The following CNTN4 variants were observed in gnomAD, a reference collection of about 807,000 sequenced individuals.
The protein encoded by CNTN4 is contactin 4.
Under a neutral mutation model 122.5 loss-of-function variants are expected in CNTN4, and 77 were observed. The ratio of observed to expected loss-of-function variants is 0.63; its 90% CI spans 0.52 to 0.76. The LOEUF is 0.76. CNTN4 is among the 30% of genes least tolerant of loss of function. The probability of loss-of-function intolerance (pLI) is 0.00; values close to 1 mark genes in which losing one functional copy is unlikely to be tolerated. For missense variants in CNTN4, 1,256 were observed against 1,259.1 expected (o/e 1.00, Z 0.04); for synonymous variants, 512 against 447.0 (o/e 1.15, Z -1.83).
At chr3:2,162,717 A>T (rs554577194) in intron 2 of CNTN4, among the ~76,000 whole-genome samples, 1 of 152,348 alleles carries the variant, frequency 6.6e-6, no homozygotes, top group East Asian at 1.9e-4. Context: ...AGAAAATTTA[A>T]AGTTGAATAT....
intron 2 of CNTN4, among the ~76,000 whole-genome samples, chr3:2,166,804 C>G (rs1382279731): frequency 6.6e-6 from 1 of 151,968 alleles, no homozygotes. Flanking sequence ...AGAAACATTA[C>G]TTACATATGC....
At chr3:3,040,573 A>T (rs548671360) in intron 20 of CNTN4, among the ~76,000 whole-genome samples, 4 of 152,346 alleles carry the variant, frequency 2.6e-5, no homozygotes, top group African/African-American at 9.6e-5. Flanking sequence ...TTTCAAAAGA[A>T]TTTTATTTTT....
chr3:2,927,232 T>C, intron 13 of CNTN4: 1 of 445,592 alleles, frequency 2.2e-6, no homozygotes, highest in South Asian at 1.6e-5. Context: ...TAAGCTATGC[T>C]ACTGTAACAA....
At chr3:2,985,909 A>T (rs1363919934) in intron 13 of CNTN4, among the ~76,000 whole-genome samples, 1 of 149,838 alleles carries the variant, frequency 6.7e-6, no homozygotes, top group Non-Finnish European at 1.5e-5. Context: ...AAATAAGAGA[A>T]TACTTTTTTT....
At chr3:2,500,938 C>T (rs1272668982) in intron 3 of CNTN4, among the ~76,000 whole-genome samples, 5 of 151,996 alleles carry the variant, frequency 3.3e-5, no homozygotes, top group African/African-American at 1.2e-4. Context: ...TCTTTTTTCC[C>T]CCCCGCACAA....
chr3:2,476,213 T>C (rs2075829729), intron 3 of CNTN4, among the ~76,000 whole-genome samples: 1 of 152,206 alleles, frequency 6.6e-6, no homozygotes, highest in Non-Finnish European at 1.5e-5. Flanking sequence ...AATGAGTAGT[T>C]CAGGTGATTT....
intron 3 of CNTN4, among the ~76,000 whole-genome samples, chr3:2,504,163 T>C (rs1245653121): frequency 6.6e-6 from 1 of 152,140 alleles, no homozygotes; most frequent in Non-Finnish European, 1.5e-5. Context: ...GTGACCCTAA[T>C]CTGAGAAGTG....
chr3:2,289,775 T>G (rs1851612), intron 2 of CNTN4, among the ~76,000 whole-genome samples: 1 of 151,970 alleles, frequency 6.6e-6, no homozygotes, highest in Non-Finnish European at 1.5e-5. Context: ...GGTTTTGATC[T>G]CTTTCTAATT....
rs555764413 is a variant in CNTN4 at position 2,230,990 on chromosome 3, A to AAAAAC, written c.-144-108173_-144-108169dup. Among the ~76,000 whole-genome samples the AAAAAC allele has an allele frequency of 9.6e-4, 146 of 152,268 alleles. 5 individuals are homozygous for AAAAAC. The East Asian group carries it at 0.025, about 26-fold the overall frequency. The stretch of plus-strand genomic sequence containing the variant: ...GCGACAAAGCGAGACTCTGTTTCAA[A>AAAAAC]AAAACAAAACAAAACAAAAGAAATA... On this transcript the variant is annotated intron_variant, in intron 2 of 24. Coordinates refer to ENST00000418658, the MANE Select transcript of CNTN4 (RefSeq NM_175607.3).
At chr3:2,155,897 G>C (rs954182714) in intron 2 of CNTN4, among the ~76,000 whole-genome samples, 1 of 152,198 alleles carries the variant, frequency 6.6e-6, no homozygotes. Flanking sequence ...CCAGCCTACA[G>C]GAGGATTCCC....
intron 2 of CNTN4, among the ~76,000 whole-genome samples, chr3:2,329,797 CATTA>C (rs1483782650): frequency 6.6e-6 from 1 of 151,904 alleles, no homozygotes; most frequent in Non-Finnish European, 1.5e-5. Context: ...ACTTAATAAG[CATTA>C]ATTTATGTAG....
In CNTN4 at chr3:2,427,664, C is replaced by G. The variant is rs181262567; in HGVS notation, c.-89+88431C>G. ...GCCTCATGGATCTGTCTAATATTGACAGTGGGGTGTTAAAGTCTCCCATTA... is the reference window on the plus strand; with the variant it reads ...GCCTCATGGATCTGTCTAATATTGAGAGTGGGGTGTTAAAGTCTCCCATTA... On this transcript the variant is annotated intron_variant, in intron 3 of 24. Coordinates refer to ENST00000418658, the MANE Select transcript of CNTN4 (RefSeq NM_175607.3). Among the ~76,000 whole-genome samples, 12 of 152,130 alleles carry G rather than the reference C, an allele frequency of 7.9e-5. No homozygotes were observed. In the East Asian group the frequency reaches 2.3e-3, roughly 29 times the overall value.
chr3:2,778,427 C>G (rs2091437127), intron 6 of CNTN4, among the ~76,000 whole-genome samples: 1 of 140,228 alleles, frequency 7.1e-6, no homozygotes, highest in Non-Finnish European at 1.6e-5. Context: ...TTTTTAAAAG[C>G]AAGTTCTCAC....
intron 4 of CNTN4, among the ~76,000 whole-genome samples, chr3:2,579,878 T>A (rs1385954977): frequency 1.3e-5 from 2 of 152,224 alleles, no homozygotes; most frequent in Admixed American, 1.3e-4. Flanking sequence ...TTGACGATGA[T>A]GTTGCCATAT....
chr3:2,949,822 A>G (rs936374970), intron 13 of CNTN4, among the ~76,000 whole-genome samples: 15 of 152,262 alleles, frequency 9.9e-5, no homozygotes, highest in African/African-American at 3.4e-4. Context: ...GTTACTTACA[A>G]TACCCAAACC....
At chr3:2,576,996 G>T (rs765994656) in intron 4 of CNTN4, among the ~76,000 whole-genome samples, 2 of 152,208 alleles carry the variant, frequency 1.3e-5, no homozygotes, top group Non-Finnish European at 2.9e-5. Context: ...AGCTAAGAGG[G>T]CATGAGAATC....
chr3:3,036,082 A>AT (rs1699579273), intron 17 of CNTN4, among the ~76,000 whole-genome samples: 1 of 152,156 alleles, frequency 6.6e-6, no homozygotes, highest in African/African-American at 2.4e-5. Flanking sequence ...GTACCTCCAA[A>AT]TTGACTCATT....
chr3:2,990,600 G>A (rs1207095004), intron 14 of CNTN4, among the ~76,000 whole-genome samples: 1 of 152,190 alleles, frequency 6.6e-6, no homozygotes, highest in African/African-American at 2.4e-5. Flanking sequence ...TTGCATCCCA[G>A]TGATACCACA....
rs148150738 is a variant in CNTN4, at chr3:2,159,011, G to A, written c.-145+58372G>A. ...TTCAGTTTGCAGTCTCTGAGGTCTA[G>A]TGTATGAAGTTGGAATCCCGAGAGG... On this transcript the variant is annotated intron_variant, in intron 2 of 24. Transcript: ENST00000418658. Among the ~76,000 whole-genome samples, 779 of 152,222 alleles carry A rather than the reference G, an allele frequency of 5.1e-3. 9 individuals are homozygous for A. Among genetic ancestry groups the A allele is most frequent in the African/African-American group, 0.017 (720 of 41,528 alleles).
Sources: gnomAD v4.1 joint callset for allele counts (sites outside exome capture counted in the v4.1 genomes callset) on GRCh38, gnomAD v4.1.1 for gene constraint, MANE v1.5 for transcripts, NCBI Gene and HGNC (gene_info 2026-07-23, HGNC 2026-07-21) for gene names.